The following DPP6 variants were observed in gnomAD, a reference collection of about 807,000 sequenced individuals.
DPP6 encodes dipeptidyl peptidase like 6, also known as A-type potassium channel modulatory protein DPP6.
A neutral mutation model predicts 122.6 loss-of-function variants in DPP6; 69 were observed. The ratio of observed to expected loss-of-function variants is 0.56; its 90% CI spans 0.46 to 0.69. The LOEUF is 0.69. Ranked by LOEUF, DPP6 falls within the 30% of genes least tolerant of loss-of-function variation. The pLI is 0.00. For synonymous variants in DPP6, 418 were observed against 433.1 expected (o/e 0.97, Z 0.43); for missense variants, 928 against 1,116.9 (o/e 0.83, Z 2.41).
At chr7:154,589,885 T>C (rs1274228675) in intron 5 of DPP6, among the ~76,000 whole-genome samples, 1 of 152,232 alleles carries the variant, frequency 6.6e-6, no homozygotes, top group Admixed American at 6.5e-5. Context: ...TCATTAGATA[T>C]CTGAAGTAAT....
chr7:154,856,150 G>T (rs762134347), intron 17 of DPP6, among the ~76,000 whole-genome samples: 7 of 152,192 alleles, frequency 4.6e-5, no homozygotes, highest in Non-Finnish European at 7.3e-5. Flanking sequence ...AAACACAAAA[G>T]TATCTTTCAG....
chr7:154,878,827 G>T (rs1805101408), intron 20 of DPP6, among the ~76,000 whole-genome samples: 3 of 152,204 alleles, frequency 2.0e-5, no homozygotes, highest in Non-Finnish European at 4.4e-5. Flanking sequence ...TTTCTTTTGG[G>T]TCCTACGTGC....
chr7:153,906,023 A>G (rs77601473), intron 1 of DPP6, among the ~76,000 whole-genome samples: 8,127 of 152,284 alleles, frequency 0.053, 264 homozygotes, highest in South Asian at 0.11. Flanking sequence ...TTACACAGGT[A>G]TTTTTCTTTA....
At chr7:154,202,670 C>T (rs958835311) in intron 1 of DPP6, among the ~76,000 whole-genome samples, 1 of 152,176 alleles carries the variant, frequency 6.6e-6, no homozygotes, top group Admixed American at 6.5e-5. Context: ...CCCGTCATCC[C>T]CTCCTACTAC....
At chr7:153,899,069 AT>A (rs1399098295) in intron 1 of DPP6, among the ~76,000 whole-genome samples, 1 of 152,088 alleles carries the variant, frequency 6.6e-6, no homozygotes, top group African/African-American at 2.4e-5. Flanking sequence ...ATGAAAACAA[AT>A]GCCCTCCTGT....
In DPP6 at chr7:154,060,395, G is replaced by T. The variant is rs1164787433; in HGVS notation, c.243+7332G>T. Among the ~76,000 whole-genome samples the T allele has an allele frequency of 6.5e-5, 8 of 122,530 alleles. 1 individual carries two copies. Among genetic ancestry groups the T allele is most frequent in the East Asian group, 2.4e-4 (1 of 4,182 alleles). 80.4% of individuals were successfully genotyped at this position (122,530 alleles called of 152,430 possible). A position where few individuals can be genotyped will look rare whatever the true frequency, so the allele number is the denominator to read the frequency against. On this transcript the variant is annotated intron_variant, in intron 1 of 25. Transcript: ENST00000377770. ...CCCTGGTTCCCCCACTGGCTCTTAGGACCCCCATCGCAGAGGGGGGAGGCA... is the reference window on the plus strand; with the variant it reads ...CCCTGGTTCCCCCACTGGCTCTTAGTACCCCCATCGCAGAGGGGGGAGGCA...
At chr7:153,910,239 T>A (rs566757071) in intron 1 of DPP6, among the ~76,000 whole-genome samples, 2 of 147,870 alleles carry the variant, frequency 1.4e-5, no homozygotes, top group Admixed American at 1.4e-4. Flanking sequence ...TCTTTCTTTT[T>A]TTTTTTTTGA....
At chr7:154,085,651 C>G (rs1043700445) in intron 1 of DPP6, among the ~76,000 whole-genome samples, 1 of 152,108 alleles carries the variant, frequency 6.6e-6, no homozygotes, top group African/African-American at 2.4e-5. Context: ...TCATAAAAAA[C>G]TGAGAGTTAA....
chr7:154,119,962 G>A (rs1037189762), intron 1 of DPP6, among the ~76,000 whole-genome samples: 1 of 151,422 alleles, frequency 6.6e-6, no homozygotes, highest in African/African-American at 2.4e-5. Flanking sequence ...CTGCTGACTT[G>A]CAGTGAGTCC....
intron 2 of DPP6, among the ~76,000 whole-genome samples, chr7:154,469,258 C>G (rs1007727172): frequency 2.0e-5 from 3 of 152,178 alleles, no homozygotes; most frequent in African/African-American, 7.2e-5. Context: ...TGTAGCTCCT[C>G]TAGCATCACT....
Position 154,443,430 on chromosome 7 carries a change from A to G in DPP6, c.244-2784A>G, listed in dbSNP as rs563979566. 2.6e-5 allele frequency among the ~76,000 whole-genome samples: 4 copies of G among 152,378 alleles called. No homozygotes were observed. In the East Asian group the frequency reaches 7.7e-4, roughly 29 times the overall value. On this transcript the variant is annotated intron_variant, in intron 1 of 25. Coordinates refer to ENST00000377770, the MANE Select transcript of DPP6 (RefSeq NM_130797.4). Reference sequence around the variant, plus strand: ...TCTGTTTTATTCATTCTTGTATTCAAGGTTCTCAAAACCTAACCTGGCATA... The same window carrying G: ...TCTGTTTTATTCATTCTTGTATTCAGGGTTCTCAAAACCTAACCTGGCATA...
chr7:154,721,070 G>C (rs1233938135), intron 7 of DPP6, among the ~76,000 whole-genome samples: 1 of 152,224 alleles, frequency 6.6e-6, no homozygotes, highest in Non-Finnish European at 1.5e-5. Flanking sequence ...CTGACATCAG[G>C]TTCCTTCTGA....
At chr7:154,382,351 T>C (rs1037713851) in intron 1 of DPP6, among the ~76,000 whole-genome samples, 1 of 152,120 alleles carries the variant, frequency 6.6e-6, no homozygotes, top group Non-Finnish European at 1.5e-5. Context: ...CAGGGCATCC[T>C]GTATTTCAAG....
At chr7:154,362,802 G>A (rs1474243516) in intron 1 of DPP6, among the ~76,000 whole-genome samples, 3 of 152,104 alleles carry the variant, frequency 2.0e-5, no homozygotes, top group African/African-American at 7.2e-5. Context: ...TGGTTATTCT[G>A]ATGAGGCAGC....
intron 5 of DPP6, among the ~76,000 whole-genome samples, chr7:154,584,555 C>T (rs766930317): frequency 3.9e-5 from 6 of 152,252 alleles, no homozygotes; most frequent in East Asian, 1.9e-4. Flanking sequence ...GTTTCAGGGC[C>T]GCTCCCAGGC....
intron 25 of DPP6, 167 bp downstream of exon 25, chr7:154,889,697 G>T: frequency 9.6e-7 from 1 of 1,045,574 alleles, no homozygotes; most frequent in South Asian, 1.7e-5. Context: ...CATGCTCAAC[G>T]TTTTCTTATA....
chr7:154,303,539 A>C (rs143361207), intron 1 of DPP6, among the ~76,000 whole-genome samples: 25 of 152,152 alleles, frequency 1.6e-4, no homozygotes, highest in African/African-American at 5.8e-4. Context: ...CACTGATAAG[A>C]ACTTAGGTTC....
At chr7:153,962,028 A>C (rs1230581105) in intron 1 of DPP6, among the ~76,000 whole-genome samples, 1 of 148,550 alleles carries the variant, frequency 6.7e-6, no homozygotes. Context: ...CACAGACTAC[A>C]CTGCAGAGGA....
At chr7:154,325,954 C>T (rs1808410354) in intron 1 of DPP6, among the ~76,000 whole-genome samples, 3 of 152,088 alleles carry the variant, frequency 2.0e-5, no homozygotes, top group Admixed American at 2.0e-4. Flanking sequence ...GAATCTTAAA[C>T]CTGACACTTT....
Sources: gnomAD v4.1 joint callset for allele counts (sites outside exome capture counted in the v4.1 genomes callset) on GRCh38, gnomAD v4.1.1 for gene constraint, MANE v1.5 for transcripts, NCBI Gene and HGNC (gene_info 2026-07-23, HGNC 2026-07-21) for gene names.